SEPTIN14: variants seen among roughly 807,000 people sequenced by gnomAD.
SEPTIN14 encodes the protein septin-14.
Under a neutral mutation model 53.6 loss-of-function variants are expected in SEPTIN14, and 40 were observed. The observed-to-expected ratio is 0.75, with a 90% CI of 0.58 to 0.97. The LOEUF (loss-of-function observed/expected upper bound fraction) is 0.97. SEPTIN14 is among the 50% of genes least tolerant of loss of function. The pLI is 0.00. For missense variants in SEPTIN14, 471 were observed against 508.2 expected, an observed-to-expected ratio of 0.93 and a Z score of 0.70; for synonymous variants, 138 against 166.8, an observed-to-expected ratio of 0.83 and a Z score of 1.33.
intron 7 of SEPTIN14, among the ~76,000 whole-genome samples, chr7:55,813,753 C>T (rs1200958792): frequency 6.6e-6 from 1 of 152,130 alleles, no homozygotes; most frequent in East Asian, 1.9e-4. Context: ...CTGAAGCCCC[C>T]AATTCCAGGC....
Position 55,842,947 on chromosome 7 carries a change from T to C in SEPTIN14, c.553A>G (p.Ser185Gly), listed in dbSNP as rs1159761596. 6.7e-7 allele frequency: 1 copy of C among 1,502,374 alleles called. No individual in the cohort carries two copies. The highest frequency in any genetic ancestry group is 1.3e-5 in the South Asian group (1 of 76,356). 93.1% of individuals were successfully genotyped at this position (1,502,374 alleles called of 1,614,324 possible). Residue 185 changes from serine (S) to glycine (G), a missense_variant, in exon 5 of 10, where the codon AGT (serine) becomes GGT (glycine). By Grantham distance (56) the Ser-to-Gly change is moderately conservative (BLOSUM62 0). Transcript: ENST00000388975. The part of the protein sequence containing the change: ...LDLLTMKNLD[S>G]KVNIIPLIAK... The stretch of plus-strand genomic sequence containing the variant: ...GGTAGATTTACCAAACATACCTTAC[T>C]GTCAAGGTTCTTCATTGTTAATAGA...
At chr7:55,823,770 A>T (rs551291246) in intron 6 of SEPTIN14, among the ~76,000 whole-genome samples, 1 of 152,250 alleles carries the variant, frequency 6.6e-6, no homozygotes, top group Admixed American at 6.5e-5. Context: ...AATCTGCAGC[A>T]ATCCTTTGTT....
chr7:55,850,200 G>A (rs956908712), intron 2 of SEPTIN14, among the ~76,000 whole-genome samples: 2 of 152,126 alleles, frequency 1.3e-5, no homozygotes, highest in African/African-American at 2.4e-5. Context: ...GGCCAGGGGC[G>A]GTGGCTCATG....
chr7:55,862,538 T>C (rs1464817160), intron 1 of SEPTIN14, 150 bp downstream of exon 1: 2 of 153,046 alleles, frequency 1.3e-5, no homozygotes, highest in Admixed American at 1.3e-4. Context: ...TTCTCATTTA[T>C]GAAGCATCTA....
chr7:55,810,219 C>T (rs1336231592), intron 7 of SEPTIN14, among the ~76,000 whole-genome samples: 6 of 121,068 alleles, frequency 5.0e-5, no homozygotes, highest in Non-Finnish European at 8.7e-5. Context: ...TTTAGAGATG[C>T]TATTTTTTTC....
intron 9 of SEPTIN14, among the ~76,000 whole-genome samples, chr7:55,799,350 A>C (rs1213609376): frequency 7.1e-6 from 1 of 140,508 alleles, no homozygotes. Flanking sequence ...TACTAAAAAT[A>C]CAAAAAAAAA....
In SEPTIN14 at chr7:55,819,315, C is replaced by A. The variant is rs761458827; in HGVS notation, c.721-92G>T. The A allele has an allele frequency of 3.2e-6, 3 of 948,082 alleles. No individual in the cohort carries two copies. In the Admixed American group the frequency reaches 6.3e-5, roughly 20 times the overall value. The allele number at this position is 948,082 out of a possible 1,614,324, so 58.7% of individuals were successfully genotyped here. Reference sequence around the variant, plus strand: ...TCCTGTTATAAAAATGACAGGCCAGCGCGGTGGCTCATGCCTGTAATCCCA... The same window carrying A: ...TCCTGTTATAAAAATGACAGGCCAGAGCGGTGGCTCATGCCTGTAATCCCA... On this transcript the variant is annotated intron_variant, in intron 6 of 9. Transcript: ENST00000388975.
At position 55,819,217 on chromosome 7, in the gene SEPTIN14, A is replaced by AC; in HGVS notation, c.726dup (p.Leu243ValfsTer11). The AC allele has an allele frequency of 6.4e-7, 1 of 1,560,802 alleles. No homozygotes were observed. Among genetic ancestry groups the AC allele is most frequent in the Non-Finnish European group, 8.7e-7 (1 of 1,150,098 alleles). On this transcript the variant is annotated frameshift_variant, in exon 7 of 10. Transcript: ENST00000388975. LOFTEE classifies it high-confidence loss of function. ...GTACTCCCTACCACAGCAAAGGGTA[A>AC]CAGCCCCTAGAAAACAAGAATGACA...
intron 9 of SEPTIN14, among the ~76,000 whole-genome samples, chr7:55,800,305 T>C (rs1170403776): frequency 6.6e-6 from 1 of 152,156 alleles, no homozygotes; most frequent in Non-Finnish European, 1.5e-5. Flanking sequence ...ACGTTCTCAC[T>C]TACTTGTGGG....
At chr7:55,842,525 C>T (rs1026433291) in intron 5 of SEPTIN14, among the ~76,000 whole-genome samples, 5 of 151,708 alleles carry the variant, frequency 3.3e-5, no homozygotes, top group African/African-American at 4.8e-5. Flanking sequence ...ATTGCTTGAG[C>T]CCAGGAGGTT....
At chr7:55,820,757 T>C (rs868228224) in intron 6 of SEPTIN14, among the ~76,000 whole-genome samples, 29 of 152,056 alleles carry the variant, frequency 1.9e-4, no homozygotes, top group Non-Finnish European at 1.5e-4. Context: ...CTTGCCAACA[T>C]GGTAAAACCC....
chr7:55,809,860 T>A (rs1388149157), intron 7 of SEPTIN14, among the ~76,000 whole-genome samples: 1 of 132,888 alleles, frequency 7.5e-6, no homozygotes. Context: ...TGAGACAGAG[T>A]CTCACTCTGT....
In SEPTIN14 at chr7:55,825,650, AC is replaced by A. The variant is rs754862453; in HGVS notation, c.721-6428del. On this transcript the variant is annotated intron_variant, in intron 6 of 9. Coordinates refer to ENST00000388975, the MANE Select transcript of SEPTIN14 (RefSeq NM_207366.3). ...CTACAACCATAAAACTACTAAAAAA[AC>A]ATAAAAGTATTTTACATTTAAAAAG... is the stretch of plus-strand genomic sequence containing the variant. Among the ~76,000 whole-genome samples, 13 of 152,320 alleles carry A rather than the reference AC, an allele frequency of 8.5e-5. No individual in the cohort carries two copies. In the South Asian group the frequency reaches 2.7e-3, roughly 32 times the overall value.
intron 2 of SEPTIN14, among the ~76,000 whole-genome samples, chr7:55,857,000 G>A (rs1343095839): frequency 4.0e-5 from 6 of 151,868 alleles, no homozygotes; most frequent in Admixed American, 3.9e-4. Context: ...AACCCGGGAA[G>A]TGGAGGTTCC....
intron 2 of SEPTIN14, among the ~76,000 whole-genome samples, chr7:55,847,415 C>T (rs1273424148): frequency 2.0e-5 from 3 of 152,006 alleles, no homozygotes; most frequent in African/African-American, 7.3e-5. Context: ...AGGCTATGTC[C>T]CAAGAAACCC....
At chr7:55,846,846 G>A (rs1431692322) in intron 2 of SEPTIN14, among the ~76,000 whole-genome samples, 2 of 152,066 alleles carry the variant, frequency 1.3e-5, no homozygotes. Flanking sequence ...TATAAATAAA[G>A]TGAATCTATC....
chr7:55,811,326 T>A, intron 7 of SEPTIN14: 1 of 509,002 alleles, frequency 2.0e-6, no homozygotes, highest in Non-Finnish European at 4.0e-6. Context: ...CACTTTGCAG[T>A]CGAAGTCTTT....
rs2115965657 is a variant in SEPTIN14, at chr7:55,807,109, G to A, written c.967C>T (p.Pro323Ser). ...LQKMGFTDVG[P>S]NNQPVSFQEI... is the part of the protein sequence containing the mutation. ...ACTCACCTAACTGGCTGGTTGTTTG[G>A]ACCCACATCTGTAAAGCCCATTTTC... Residue 323 changes from proline to serine, a missense_variant, in exon 8 of 10, where the codon CCA (proline) becomes TCA (serine). Transcript: ENST00000388975. 6.3e-7 allele frequency: 1 copy of A among 1,595,198 alleles called. No homozygotes were observed. The highest frequency in any genetic ancestry group is 1.2e-5 in the South Asian group (1 of 86,660).
intron 5 of SEPTIN14, among the ~76,000 whole-genome samples, chr7:55,840,043 G>C (rs930293008): frequency 1.3e-5 from 2 of 151,398 alleles, no homozygotes; most frequent in East Asian, 3.9e-4. Flanking sequence ...TACCCAGGAG[G>C]CTGAGGCAGG....
Sources: allele counts gnomAD v4.1 joint callset (sites outside exome capture counted in the v4.1 genomes callset), GRCh38; gene constraint gnomAD v4.1.1; transcripts MANE v1.5; gene names NCBI Gene and HGNC (gene_info 2026-07-23, HGNC 2026-07-21).